The following ARHGAP22 variants were observed in gnomAD, a reference collection of about 807,000 sequenced individuals.
ARHGAP22 encodes the protein rho GTPase-activating protein 22.
A neutral mutation model predicts 59.1 loss-of-function variants in ARHGAP22; 48 were observed. The observed-to-expected ratio is 0.81, with a 90% CI of 0.64 to 1.03. The LOEUF is 1.03. Among genes scored for constraint, ARHGAP22 ranks in the 50% least tolerant of loss-of-function variants. The probability of loss-of-function intolerance (pLI) is 0.00; values close to 1 mark genes in which losing one functional copy is unlikely to be tolerated. For synonymous variants in ARHGAP22, 445 were observed against 416.4 expected (o/e 1.07, Z -0.84); for missense variants, 1,015 against 958.7 (o/e 1.06, Z -0.78).
intron 2 of ARHGAP22, among the ~76,000 whole-genome samples, chr10:48,571,250 G>A (rs1429013286): frequency 6.6e-6 from 1 of 152,190 alleles, no homozygotes; most frequent in African/African-American, 2.4e-5. Context: ...TCAGAATGAA[G>A]TGTGGAATGG....
chr10:48,623,480 C>T (rs1163773165), intron 1 of ARHGAP22, among the ~76,000 whole-genome samples: 2 of 152,178 alleles, frequency 1.3e-5, no homozygotes, highest in East Asian at 3.8e-4. Flanking sequence ...TGATTGTCAT[C>T]TAGGGCATAC....
Position 48,547,414 on chromosome 10 carries a change from G to T in ARHGAP22, c.322+8049C>A, listed in dbSNP as rs565672799. 2.4e-4 allele frequency among the ~76,000 whole-genome samples: 36 copies of T among 152,374 alleles called. No homozygotes were observed. In the East Asian group the frequency reaches 3.3e-3, roughly 14 times the overall value. ...TCCCATCTGGTGTTTGGGGAGTTGG[G>T]GGGGAGGCCCCAAGGAGCCCAGTGG... On this transcript the variant is annotated intron_variant, in intron 3 of 9. Transcript: ENST00000249601.
At chr10:48,536,013 C>A (rs529436891) in intron 3 of ARHGAP22, among the ~76,000 whole-genome samples, 1 of 152,170 alleles carries the variant, frequency 6.6e-6, no homozygotes, top group South Asian at 2.1e-4. Context: ...AGGAGAAAGG[C>A]GCAGGATGGG....
intron 1 of ARHGAP22, among the ~76,000 whole-genome samples, chr10:48,610,933 A>G (rs2060859657): frequency 6.6e-6 from 1 of 152,228 alleles, no homozygotes; most frequent in South Asian, 2.1e-4. Flanking sequence ...CCTTTTCAGA[A>G]GCAGGCTCAG....
chr10:48,573,423 A>G (rs993702160), intron 2 of ARHGAP22, among the ~76,000 whole-genome samples: 1 of 152,206 alleles, frequency 6.6e-6, no homozygotes, highest in African/African-American at 2.4e-5. Context: ...CTATCACGCA[A>G]GATCCTGTAA....
intron 3 of ARHGAP22, among the ~76,000 whole-genome samples, chr10:48,512,127 C>T (rs2052835662): frequency 6.6e-6 from 1 of 152,240 alleles, no homozygotes; most frequent in South Asian, 2.1e-4. Flanking sequence ...TAACTTCTTC[C>T]AAACTGGATT....
intron 8 of ARHGAP22, among the ~76,000 whole-genome samples, 178 bp downstream of exon 8, chr10:48,453,126 G>T (rs1281674843): frequency 1.3e-5 from 2 of 152,138 alleles, no homozygotes; most frequent in East Asian, 3.9e-4. Context: ...CCTCATGGGG[G>T]TCGGGGGTGA....
the ARHGAP22 span, among the ~76,000 whole-genome samples, chr10:48,431,488 A>T: frequency 1.3e-5 from 2 of 152,230 alleles, no homozygotes; most frequent in Admixed American, 6.5e-5. Context: ...TGATACTGAC[A>T]TTCTGAAGAA....
At position 48,583,788 on chromosome 10, in the gene ARHGAP22, C is replaced by A. The variant is rs199684411; in HGVS notation, c.35-636G>T. 1.5e-3 allele frequency among the ~76,000 whole-genome samples: 232 copies of A among 152,320 alleles called. 4 individuals carry two copies. The South Asian group carries it at 0.047, about 31-fold the overall frequency. On this transcript the variant is annotated intron_variant, in intron 1 of 9. Transcript: ENST00000249601. ...GTATTTGTTCCCTGGGAACATCCCA[C>A]AGCGGGGCTTCTTCTTCAGCTGTTT...
intron 3 of ARHGAP22, among the ~76,000 whole-genome samples, chr10:48,549,129 C>A (rs1363107505): frequency 1.3e-5 from 2 of 152,220 alleles, no homozygotes; most frequent in Non-Finnish European, 2.9e-5. Flanking sequence ...TCATACACAC[C>A]TTGGTCTACA....
chr10:48,561,193 C>G (rs2057665581), intron 2 of ARHGAP22, among the ~76,000 whole-genome samples: 3 of 152,240 alleles, frequency 2.0e-5, no homozygotes, highest in African/African-American at 7.2e-5. Context: ...ACCTCCATAT[C>G]TATCTATCTG....
chr10:48,467,617 G>T (rs923183875), intron 4 of ARHGAP22, among the ~76,000 whole-genome samples: 1 of 152,078 alleles, frequency 6.6e-6, no homozygotes, highest in Non-Finnish European at 1.5e-5. Context: ...GCAAGTTATG[G>T]GTCAAGTGAT....
chr10:48,459,759 C>A lies in ARHGAP22; in HGVS notation c.584G>T (p.Arg195Leu), dbSNP rs752127827. Residue 195 changes from arginine to leucine, a missense_variant, in exon 5 of 10, where the codon CGC becomes CTC. Transcript: ENST00000249601. The part of the protein sequence containing the change: ...ERGLTEEGLF[R>L]MPGQANLVRD... ...CACCAGGTTGGCCTGGCCTGGCATG[C>A]GGAACAGCCCCTCCTCAGTGAGCCC... 2 of 1,614,058 alleles carry A rather than the reference C, an allele frequency of 1.2e-6. No individual in the cohort carries two copies. Among genetic ancestry groups the A allele is most frequent in the Non-Finnish European group, 1.7e-6 (2 of 1,180,036 alleles).
At chr10:48,469,726 C>T (rs543996698) in intron 4 of ARHGAP22, among the ~76,000 whole-genome samples, 1 of 152,336 alleles carries the variant, frequency 6.6e-6, no homozygotes, top group Admixed American at 6.5e-5. Flanking sequence ...GTACCAAACT[C>T]CTGGCAAGGG....
chr10:48,463,227 C>G (rs541583382), intron 4 of ARHGAP22, among the ~76,000 whole-genome samples: 2 of 152,344 alleles, frequency 1.3e-5, no homozygotes, highest in Non-Finnish European at 2.9e-5. Flanking sequence ...ACCATCCCCT[C>G]TCACTTCCAA....
chr10:48,537,600 G>A (rs2135056150), intron 3 of ARHGAP22, among the ~76,000 whole-genome samples: 2 of 152,332 alleles, frequency 1.3e-5, no homozygotes, highest in East Asian at 3.9e-4. Flanking sequence ...CCAAGGGCCT[G>A]CAAAGGTCAT....
At chr10:48,634,185 A>G (rs1421107167) in intron 1 of ARHGAP22, among the ~76,000 whole-genome samples, 3 of 152,178 alleles carry the variant, frequency 2.0e-5, no homozygotes, top group East Asian at 3.9e-4. Flanking sequence ...GGTGCCATCA[A>G]TGTCCCTAAA....
intron 2 of ARHGAP22, among the ~76,000 whole-genome samples, chr10:48,569,961 C>A (rs184483165): frequency 6.6e-6 from 1 of 152,166 alleles, no homozygotes; most frequent in Non-Finnish European, 1.5e-5. Flanking sequence ...ATTTCAGGGG[C>A]CTGCTCTCAG....
At chr10:48,633,115 G>A (rs1178857953) in intron 1 of ARHGAP22, among the ~76,000 whole-genome samples, 1 of 152,228 alleles carries the variant, frequency 6.6e-6, no homozygotes, top group African/African-American at 2.4e-5. Context: ...GTTGCCTGCT[G>A]TATTCCAGTG....
Sources: allele counts gnomAD v4.1 joint callset (sites outside exome capture counted in the v4.1 genomes callset), GRCh38; gene constraint gnomAD v4.1.1; transcripts MANE v1.5; gene names NCBI Gene and HGNC (gene_info 2026-07-23, HGNC 2026-07-21).